Variants in PRCP observed in about 807,000 individuals in gnomAD.
The protein encoded by PRCP is prolylcarboxypeptidase.
A neutral mutation model predicts 54.2 loss-of-function variants in PRCP; 46 were observed. That is an observed-to-expected ratio of 0.85 (90% CI 0.67 to 1.09). PRCP has a LOEUF of 1.09. PRCP is among the 50% of genes least tolerant of loss of function. PRCP has a pLI of 0.00. For missense variants in PRCP, 613 were observed against 596.8 expected, an observed-to-expected ratio of 1.03 and a Z score of -0.28; for synonymous variants, 240 against 212.2, an observed-to-expected ratio of 1.13 and a Z score of -1.14.
At chr11:82,883,382 C>T (rs1859795465) in intron 1 of PRCP, among the ~76,000 whole-genome samples, 1 of 152,080 alleles carries the variant, frequency 6.6e-6, no homozygotes, top group Non-Finnish European at 1.5e-5. Flanking sequence ...TGATAGACAG[C>T]AGCACTATGT....
chr11:82,832,783 C>T (rs780938912), intron 8 of PRCP, among the ~76,000 whole-genome samples: 1 of 152,150 alleles, frequency 6.6e-6, no homozygotes, highest in African/African-American at 2.4e-5. Flanking sequence ...TTGCCCATGT[C>T]TATGCTTGGA....
chr11:82,864,495 G>A (rs1402575749), intron 1 of PRCP, among the ~76,000 whole-genome samples: 5 of 152,212 alleles, frequency 3.3e-5, no homozygotes, highest in Non-Finnish European at 5.9e-5. Context: ...AAACCATTCC[G>A]TCTGTGTTGC....
intron 1 of PRCP, among the ~76,000 whole-genome samples, chr11:82,869,355 C>CAAAAA (rs36024787): frequency 1.2e-5 from 1 of 80,476 alleles, no homozygotes. Context: ...GACTCCATCT[C>CAAAAA]AAAAAAAAAA....
intron 1 of PRCP, among the ~76,000 whole-genome samples, chr11:82,869,282 G>A (rs997686225): frequency 6.8e-6 from 1 of 147,984 alleles, no homozygotes; most frequent in Non-Finnish European, 1.5e-5. Flanking sequence ...CTTGAGCCCA[G>A]AAGTTCAAGG....
intron 8 of PRCP, among the ~76,000 whole-genome samples, chr11:82,833,489 TTGG>T (rs1408784473): frequency 2.6e-5 from 4 of 152,118 alleles, no homozygotes; most frequent in African/African-American, 9.7e-5. Context: ...TTTTACACTG[TTGG>T]TGGGAGTGTA....
intron 2 of PRCP, among the ~76,000 whole-genome samples, 171 bp downstream of exon 2, chr11:82,859,806 A>T (rs755781879): frequency 2.6e-5 from 4 of 152,100 alleles, no homozygotes; most frequent in Admixed American, 2.0e-4. Context: ...CTTCCTATTC[A>T]TGTGCTTTTG....
intron 1 of PRCP, among the ~76,000 whole-genome samples, chr11:82,863,897 G>C (rs571011347): frequency 6.6e-6 from 1 of 152,146 alleles, no homozygotes; most frequent in Non-Finnish European, 1.5e-5. Flanking sequence ...AGCAGACTTC[G>C]GAGTTAAAAG....
chr11:82,853,332 C>T lies in PRCP; in HGVS notation c.310-54G>A, dbSNP rs575560592. On this transcript the variant is annotated intron_variant, in intron 2 of 8. Coordinates refer to ENST00000313010, the MANE Select transcript of PRCP (RefSeq NM_005040.4). ...AAAATCAGAATGTGAAAAAAAGTCA[C>T]TGAACCTTTTGGCAAACCATATGGA... The T allele has an allele frequency of 2.5e-5, 38 of 1,499,592 alleles. No individual in the cohort carries two copies. The East Asian group carries it at 8.7e-4, about 34-fold the overall frequency. 92.9% of individuals were successfully genotyped at this position (1,499,592 alleles called of 1,614,324 possible).
At chr11:82,868,810 G>A (rs80354954) in intron 1 of PRCP, among the ~76,000 whole-genome samples, 3,040 of 152,178 alleles carry the variant, frequency 0.02, 99 homozygotes, top group African/African-American at 0.069. Flanking sequence ...TGAGGCGGGA[G>A]GATCAAATTG....
intron 1 of PRCP, among the ~76,000 whole-genome samples, chr11:82,886,503 C>G (rs1591071809): frequency 6.6e-6 from 1 of 152,082 alleles, no homozygotes; most frequent in East Asian, 1.9e-4. Context: ...ATGCTAGTCT[C>G]AAACTCCTGG....
intron 1 of PRCP, among the ~76,000 whole-genome samples, chr11:82,886,438 C>T (rs1859865565): frequency 6.6e-6 from 1 of 152,032 alleles, no homozygotes; most frequent in African/African-American, 2.4e-5. Context: ...GTGCACACCA[C>T]CATGCCTGGC....
chr11:82,883,766 C>A (rs1226414906), intron 1 of PRCP, among the ~76,000 whole-genome samples: 5 of 152,140 alleles, frequency 3.3e-5, no homozygotes, highest in Non-Finnish European at 1.5e-5. Flanking sequence ...TGAGTGTGAC[C>A]CAAGGTTGCT....
intron 1 of PRCP, among the ~76,000 whole-genome samples, chr11:82,893,637 T>TA (rs1860052645): frequency 6.6e-6 from 1 of 151,838 alleles, no homozygotes; most frequent in Non-Finnish European, 1.5e-5. Flanking sequence ...ACAAAAAGAT[T>TA]AAAAAATTAG....
intron 1 of PRCP, among the ~76,000 whole-genome samples, chr11:82,870,726 G>A (rs1859459433): frequency 6.6e-6 from 1 of 152,186 alleles, no homozygotes; most frequent in Admixed American, 6.5e-5. Flanking sequence ...GACTGAATTG[G>A]TATGCACAAT....
chr11:82,856,405 C>T (rs931914848), intron 2 of PRCP, among the ~76,000 whole-genome samples: 5 of 152,116 alleles, frequency 3.3e-5, no homozygotes, highest in African/African-American at 4.8e-5. Flanking sequence ...TCCTAAGTGA[C>T]CTAATAGAGC....
At chr11:82,851,076 A>G (rs1022546778) in intron 3 of PRCP, among the ~76,000 whole-genome samples, 2 of 152,228 alleles carry the variant, frequency 1.3e-5, no homozygotes, top group Non-Finnish European at 2.9e-5. Context: ...TTGATCTTTG[A>G]GAAAAGGAAA....
At chr11:82,876,532 G>A (rs904600922) in intron 1 of PRCP, among the ~76,000 whole-genome samples, 16 of 152,192 alleles carry the variant, frequency 1.1e-4, no homozygotes, top group African/African-American at 3.6e-4. Context: ...TGTTGTGGGA[G>A]AGACCGGGGG....
At chr11:82,850,938 G>C (rs994763726) in intron 3 of PRCP, among the ~76,000 whole-genome samples, 3 of 151,886 alleles carry the variant, frequency 2.0e-5, no homozygotes, top group Non-Finnish European at 4.4e-5. Flanking sequence ...TTCTTCATCG[G>C]AAAGATTATA....
chr11:82,875,922 GCTTT>G (rs1228887270), intron 1 of PRCP, among the ~76,000 whole-genome samples: 6 of 152,088 alleles, frequency 3.9e-5, no homozygotes, highest in African/African-American at 1.4e-4. Context: ...CTGGACATAC[GCTTT>G]CTGAAGTCTC....
Sources: allele counts gnomAD v4.1 joint callset (sites outside exome capture counted in the v4.1 genomes callset), GRCh38; gene constraint gnomAD v4.1.1; transcripts MANE v1.5; gene names NCBI Gene and HGNC (gene_info 2026-07-23, HGNC 2026-07-21).